The following CRISP2 variants were observed in gnomAD, a reference collection of about 807,000 sequenced individuals.
CRISP2 encodes cysteine rich secretory protein 2.
In CRISP2, 29 loss-of-function variants were observed where a neutral mutation model predicts 31.7. The observed-to-expected ratio is 0.92, with a 90% CI of 0.68 to 1.25. The LOEUF (loss-of-function observed/expected upper bound fraction) is 1.25, where lower values mean the gene tolerates loss of function less well. Ranked by LOEUF, CRISP2 falls within the 50% of genes most tolerant of loss-of-function variation. The probability of loss-of-function intolerance (pLI) is 0.00; values close to 1 mark genes in which losing one functional copy is unlikely to be tolerated. For synonymous variants in CRISP2, 111 were observed against 101.4 expected (o/e 1.09, Z -0.57); for missense variants, 318 against 286.5 (o/e 1.11, Z -0.79).
chr6:49,692,507 T>C lies in CRISP2; in HGVS notation c.*266A>G, dbSNP rs755110457. On this transcript the variant is annotated 3_prime_UTR_variant, in exon 10 of 10. Coordinates refer to ENST00000339139, the MANE Select transcript of CRISP2 (RefSeq NM_003296.4). ...CAAAGTCCTAGTGACCTAAATCCTA[T>C]GGTTATACAGTTTTCAAAATCCTCA... 1 of 271,072 alleles carries C rather than the reference T, an allele frequency of 3.7e-6. No homozygotes were observed. The highest frequency in any genetic ancestry group is 7.0e-6 in the Non-Finnish European group (1 of 143,588). The allele number at this position is 271,072 out of a possible 1,614,324, so 16.8% of individuals were successfully genotyped here.
chr6:49,708,187 A>T (rs1306672112), intron 4 of CRISP2, among the ~76,000 whole-genome samples: 3 of 152,188 alleles, frequency 2.0e-5, no homozygotes, highest in African/African-American at 7.2e-5. Flanking sequence ...AGATTGGAGC[A>T]AGAGGACTAT....
chr6:49,692,999 C>G lies in CRISP2; in HGVS notation c.605-99G>C. ...TGGGGAGGGGGTAGGAGGGAACAAA[C>G]AAGTTAGCATCGCTTACACTACAAT... On this transcript the variant is annotated intron_variant, in intron 9 of 9. Transcript: ENST00000339139. 3.1e-6 allele frequency: 4 copies of G among 1,276,646 alleles called. No individual in the cohort carries two copies. In the Admixed American group the frequency reaches 5.5e-5, roughly 18 times the overall value. The allele number at this position is 1,276,646 out of a possible 1,614,324, so 79.1% of individuals were successfully genotyped here.
At chr6:49,710,855 A>G (rs1396109350) in intron 3 of CRISP2, among the ~76,000 whole-genome samples, 1 of 152,214 alleles carries the variant, frequency 6.6e-6, no homozygotes, top group Non-Finnish European at 1.5e-5. Context: ...GGCCAGGCAC[A>G]GTGGCTCATT....
intron 3 of CRISP2, 53 bp from the exon 4 acceptor site, chr6:49,709,258 C>T (rs984266109): frequency 6.8e-7 from 1 of 1,477,212 alleles, no homozygotes; most frequent in Non-Finnish European, 9.4e-7. Context: ...TAAAAAACTT[C>T]TAAGAGGGGG....
chr6:49,698,448 T>C lies in CRISP2; in HGVS notation c.331A>G (p.Ile111Val). ...AGGATCTCGTCATACCAGCTTTGGA[T>C]TGCAGAAGACCAGGAAGTAGGGTCA... ...SSDPTSWSSA[I>V]QSWYDEILDF... is the part of the protein sequence containing the mutation. Residue 111 changes from isoleucine (I) to valine (V), a missense_variant, in exon 7 of 10, where the codon ATC (isoleucine) becomes GTC (valine). Coordinates refer to ENST00000339139, the MANE Select transcript of CRISP2 (RefSeq NM_003296.4). The C allele has an allele frequency of 6.2e-7, 1 of 1,613,492 alleles. No homozygotes were observed. The highest frequency in any genetic ancestry group is 8.5e-7 in the Non-Finnish European group (1 of 1,179,642).
intron 8 of CRISP2, among the ~76,000 whole-genome samples, chr6:49,696,681 A>G (rs1764820541): frequency 6.6e-6 from 1 of 152,128 alleles, no homozygotes; most frequent in Non-Finnish European, 1.5e-5. Context: ...CCATAGGATA[A>G]TGATGATCAT....
intron 3 of CRISP2, 83 bp from the exon 4 acceptor site, chr6:49,709,288 C>T (rs866768227): frequency 6.1e-6 from 7 of 1,148,118 alleles, no homozygotes; most frequent in African/African-American, 3.1e-5. Context: ...ATAATGATCT[C>T]GATTATCTCA....
chr6:49,684,074 C>T, the CRISP2 span, among the ~76,000 whole-genome samples: 5 of 151,912 alleles, frequency 3.3e-5, no homozygotes, highest in East Asian at 5.8e-4. Context: ...CTTAATCTTC[C>T]TATCCTTGTT....
chr6:49,685,093 C>T, the CRISP2 span, among the ~76,000 whole-genome samples: 1 of 152,182 alleles, frequency 6.6e-6, no homozygotes, highest in African/African-American at 2.4e-5. Flanking sequence ...CCGGATGCCT[C>T]CCATGGCTGC....
At chr6:49,701,525 T>TATATATAC (rs1554135518) in intron 4 of CRISP2, among the ~76,000 whole-genome samples, 23 of 81,090 alleles carry the variant, frequency 2.8e-4, no homozygotes, top group African/African-American at 1.3e-3. Flanking sequence ...TATATATATA[T>TATATATAC]ACACACACAC....
chr6:49,692,631 T>C lies in CRISP2; in HGVS notation c.*142A>G. On this transcript the variant is annotated 3_prime_UTR_variant, in exon 10 of 10. Transcript: ENST00000339139. ...TTGTAAATCATTGCCTGAAAGTGAT[T>C]TCTGTGATGATCTGGGGGAGAAGAT... 2.7e-6 allele frequency: 2 copies of C among 752,772 alleles called. No individual in the cohort carries two copies. The highest frequency in any genetic ancestry group is 2.4e-5 in the South Asian group (1 of 41,140). The allele number at this position is 752,772 out of a possible 1,614,324, so 46.6% of individuals were successfully genotyped here. A position where few individuals can be genotyped will look rare whatever the true frequency, so the allele number is the denominator to read the frequency against.
chr6:49,685,857 C>T, the CRISP2 span, among the ~76,000 whole-genome samples: 1 of 152,008 alleles, frequency 6.6e-6, no homozygotes, highest in Non-Finnish European at 1.5e-5. Flanking sequence ...ATTAATTATA[C>T]TTTATTTTAA....
At chr6:49,683,680 AAAAAAAAAAAAAAAATATATATAT>A in the CRISP2 span, among the ~76,000 whole-genome samples, 2 of 34,390 alleles carry the variant, frequency 5.8e-5, no homozygotes, top group Non-Finnish European at 1.2e-4. Context: ...AAAAAAAAAA[AAAAAAAAAAAAAAAATATATATAT>A]ATATATATAT....
At chr6:49,702,010 T>C (rs1403772921) in intron 4 of CRISP2, among the ~76,000 whole-genome samples, 1 of 75,300 alleles carries the variant, frequency 1.3e-5, no homozygotes, top group African/African-American at 6.1e-5. Flanking sequence ...ATTATACATA[T>C]TAATGTATAC....
downstream of CRISP2, among the ~76,000 whole-genome samples, chr6:49,690,164 A>G (rs1159433893): frequency 6.6e-6 from 1 of 152,126 alleles, no homozygotes; most frequent in Admixed American, 6.6e-5. Flanking sequence ...CCTGATTGAG[A>G]ACAGAATTGA....
At chr6:49,700,219 A>G (rs1765432937) in intron 5 of CRISP2, among the ~76,000 whole-genome samples, 1 of 152,170 alleles carries the variant, frequency 6.6e-6, no homozygotes, top group Non-Finnish European at 1.5e-5. Context: ...TTTAATAGTA[A>G]TAAGATGGCC....
At chr6:49,698,750 T>TA (rs1765177237) in intron 6 of CRISP2, among the ~76,000 whole-genome samples, 1 of 152,122 alleles carries the variant, frequency 6.6e-6, no homozygotes, top group South Asian at 2.1e-4. Context: ...CTCTGCTCCT[T>TA]AAAAATGCCC....
downstream of CRISP2, among the ~76,000 whole-genome samples, chr6:49,688,467 C>T (rs1414875530): frequency 6.6e-6 from 1 of 151,732 alleles, no homozygotes; most frequent in African/African-American, 2.4e-5. Context: ...AAAATATTAT[C>T]TGCCACAAAT....
the CRISP2 span, among the ~76,000 whole-genome samples, chr6:49,680,469 G>T: frequency 2.6e-5 from 4 of 152,096 alleles, no homozygotes; most frequent in Non-Finnish European, 4.4e-5. Context: ...ACATATATGT[G>T]CACGTGTCTT....
Sources: gnomAD v4.1 joint callset for allele counts (sites outside exome capture counted in the v4.1 genomes callset) on GRCh38, gnomAD v4.1.1 for gene constraint, MANE v1.5 for transcripts, NCBI Gene and HGNC (gene_info 2026-07-23, HGNC 2026-07-21) for gene names.